TENM3: variants seen among roughly 807,000 people sequenced by gnomAD.
TENM3 encodes the protein teneurin-3.
Under a neutral mutation model 255.1 loss-of-function variants are expected in TENM3, and 63 were observed. The observed-to-expected ratio is 0.25, with a 90% CI of 0.20 to 0.30. TENM3 has a LOEUF of 0.30. Ranked by LOEUF, TENM3 falls within the 10% of genes least tolerant of loss-of-function variation. The pLI is 1.00. For synonymous variants in TENM3, 1,306 were observed against 1,322.3 expected (o/e 0.99, Z 0.27); for missense variants, 2,929 against 3,461.1 (o/e 0.85, Z 3.86).
chr4:181,724,910 C>G, the TENM3 span, among the ~76,000 whole-genome samples: 1 of 152,134 alleles, frequency 6.6e-6, no homozygotes, highest in African/African-American at 2.4e-5. Flanking sequence ...AGATTGCCAC[C>G]TTTCAGGGAG....
At chr4:182,776,361 G>A (rs1298106561) in intron 24 of TENM3, among the ~76,000 whole-genome samples, 3 of 152,254 alleles carry the variant, frequency 2.0e-5, no homozygotes, top group East Asian at 1.9e-4. Context: ...GCAGTGAGTC[G>A]AGATCGCGCC....
chr4:182,448,074 C>T (rs576050267), intron 3 of TENM3, among the ~76,000 whole-genome samples: 3 of 152,362 alleles, frequency 2.0e-5, no homozygotes, highest in Admixed American at 2.0e-4. Flanking sequence ...CCTGGTATAT[C>T]ATGGAGAGTG....
chr4:182,081,425 A>G, the TENM3 span, among the ~76,000 whole-genome samples: 1 of 151,710 alleles, frequency 6.6e-6, no homozygotes, highest in Admixed American at 6.6e-5. Flanking sequence ...CTCTACTAAA[A>G]CTATAAAAAT....
chr4:181,614,352 T>C, the TENM3 span, among the ~76,000 whole-genome samples: 4 of 152,210 alleles, frequency 2.6e-5, no homozygotes, highest in African/African-American at 9.6e-5. Flanking sequence ...CTGATTTTTT[T>C]GTCTGTTTGT....
intron 12 of TENM3, among the ~76,000 whole-genome samples, chr4:182,704,285 C>T (rs994541075): frequency 6.6e-6 from 1 of 152,184 alleles, no homozygotes; most frequent in Non-Finnish European, 1.5e-5. Flanking sequence ...CACAAGGCAT[C>T]TCTTTGCATA....
chr4:182,288,876 T>C (rs1760919903), intron 1 of TENM3, among the ~76,000 whole-genome samples: 1 of 152,062 alleles, frequency 6.6e-6, no homozygotes, highest in Admixed American at 6.5e-5. Context: ...ATAAAATAAA[T>C]AAAGGTCGGG....
chr4:181,659,449 A>G, the TENM3 span, among the ~76,000 whole-genome samples: 1 of 152,168 alleles, frequency 6.6e-6, no homozygotes, highest in Non-Finnish European at 1.5e-5. Context: ...TTCCGGTAAC[A>G]ATTCTATGGG....
intron 19 of TENM3, among the ~76,000 whole-genome samples, chr4:182,746,630 A>G (rs924425539): frequency 1.3e-5 from 2 of 152,218 alleles, no homozygotes; most frequent in Admixed American, 6.5e-5. Context: ...TGGCACACTC[A>G]AAGTGGCCTT....
At chr4:182,441,759 C>T (rs190299138) in intron 3 of TENM3, among the ~76,000 whole-genome samples, 1 of 152,164 alleles carries the variant, frequency 6.6e-6, no homozygotes, top group East Asian at 1.9e-4. Flanking sequence ...AACTCCTGAC[C>T]TTGTGATCTG....
chr4:182,159,925 TCTC>T (rs1750994426), intron 1 of TENM3, among the ~76,000 whole-genome samples: 1 of 152,146 alleles, frequency 6.6e-6, no homozygotes, highest in South Asian at 2.1e-4. Flanking sequence ...CTTAGACACA[TCTC>T]CTAGTGATGC....
the TENM3 span, among the ~76,000 whole-genome samples, chr4:181,972,763 C>A: frequency 6.6e-6 from 1 of 152,128 alleles, no homozygotes; most frequent in African/African-American, 2.4e-5. Context: ...TTCCAGATCC[C>A]AGGGACAACA....
Position 182,479,763 on chromosome 4 carries a change from A to G in TENM3, c.512-121161A>G, listed in dbSNP as rs561756591. Among the ~76,000 whole-genome samples the G allele has an allele frequency of 1.8e-4, 27 of 152,130 alleles. No individual in the cohort carries two copies. In the South Asian group the frequency reaches 5.0e-3, roughly 28 times the overall value. ...CTATGGAGAATTCTACGTAACTTCA[A>G]AATTAGAAGTAAATATTTTTGATCT... On this transcript the variant is annotated intron_variant, in intron 3 of 27. Transcript: ENST00000511685.
rs1755075933 is a variant in TENM3 at position 182,212,012 on chromosome 4, A to G, written c.-76+67258A>G. Among the ~76,000 whole-genome samples, 4 of 152,188 alleles carry G rather than the reference A, an allele frequency of 2.6e-5. 1 individual carries two copies. The highest frequency in any genetic ancestry group is 4.8e-5 in the African/African-American group (2 of 41,440). The stretch of plus-strand genomic sequence containing the variant: ...AAATGGTAGCTCTACTCTAATATAT[A>G]TATCTATTAAACCAAGTAAAATGTA... On this transcript the variant is annotated intron_variant, in intron 1 of 2. Transcript: ENST00000512480.
chr4:182,137,386 A>G, the TENM3 span, among the ~76,000 whole-genome samples: 1 of 151,128 alleles, frequency 6.6e-6, no homozygotes, highest in Non-Finnish European at 1.5e-5. Context: ...CTTTAAATGA[A>G]TAGCATAGTT....
At chr4:181,490,540 G>T in the TENM3 span, among the ~76,000 whole-genome samples, 7 of 152,204 alleles carry the variant, frequency 4.6e-5, no homozygotes, top group African/African-American at 1.7e-4. Context: ...ACAATGCACC[G>T]GACTAATTGC....
chr4:182,570,618 G>A (rs1045978069), intron 3 of TENM3, among the ~76,000 whole-genome samples: 1 of 152,194 alleles, frequency 6.6e-6, no homozygotes, highest in Non-Finnish European at 1.5e-5. Context: ...GGGAGGCCAA[G>A]GCAGGCGGAT....
chr4:182,356,161 A>T (rs1472103868), intron 3 of TENM3, among the ~76,000 whole-genome samples: 4 of 152,118 alleles, frequency 2.6e-5, no homozygotes, highest in Non-Finnish European at 4.4e-5. Flanking sequence ...ATTAATTGAC[A>T]AAAGACAACA....
intron 3 of TENM3, among the ~76,000 whole-genome samples, chr4:182,382,360 GTT>G (rs35199503): frequency 0.12 from 18,304 of 148,162 alleles, 1,351 homozygotes; most frequent in East Asian, 0.34. Flanking sequence ...ACCATTTCTT[GTT>G]TTTTTTTTTT....
the TENM3 span, among the ~76,000 whole-genome samples, chr4:181,490,932 T>A: frequency 1.2e-4 from 19 of 152,152 alleles, no homozygotes; most frequent in African/African-American, 4.3e-4. Flanking sequence ...GCATTTCCCC[T>A]CTACCCTCCA....
Sources: gnomAD v4.1 joint callset for allele counts (sites outside exome capture counted in the v4.1 genomes callset) on GRCh38, gnomAD v4.1.1 for gene constraint, MANE v1.5 for transcripts, NCBI Gene and HGNC (gene_info 2026-07-23, HGNC 2026-07-21) for gene names.